The following TBL1XR1 variants were observed in gnomAD, a reference collection of about 807,000 sequenced individuals.
The protein encoded by TBL1XR1 is TBL1X/Y related 1, also known as F-box-like/WD repeat-containing protein TBL1XR1.
A neutral mutation model predicts 66.9 loss-of-function variants in TBL1XR1; 5 were observed. The ratio of observed to expected loss-of-function variants is 0.07; its 90% CI spans 0.04 to 0.16. TBL1XR1 has a LOEUF of 0.16. Among genes scored for constraint, TBL1XR1 ranks in the 10% least tolerant of loss-of-function variants. The pLI is 1.00. For synonymous variants in TBL1XR1, 210 were observed against 206.0 expected, an observed-to-expected ratio of 1.02 and a Z score of -0.17; for missense variants, 238 against 623.2, an observed-to-expected ratio of 0.38 and a Z score of 6.58.
rs553233123 is a variant in TBL1XR1 at position 177,099,141 on chromosome 3, C to T, written c.-121-600G>A. On this transcript the variant is annotated intron_variant, in intron 1 of 15. Transcript: ENST00000457928. ...CAGCACTTTGGGAGGCCGAAGCAGG[C>T]GGATCACCTGAGGTCAGGAATTCGA... 1.3e-3 allele frequency among the ~76,000 whole-genome samples: 194 copies of T among 152,150 alleles called. 1 individual carries two copies. In the South Asian group the frequency reaches 0.014, roughly 11 times the overall value.
intron 7 of TBL1XR1, 114 bp downstream of exon 7, chr3:177,049,883 C>T (rs1385698162): frequency 4.0e-6 from 3 of 742,822 alleles, no homozygotes; most frequent in Non-Finnish European, 1.8e-6. Flanking sequence ...TTTGTTGTTA[C>T]TAGTTAATAA....
rs143736240 is a variant in TBL1XR1 at position 177,077,280 on chromosome 3, T to C, written c.-45-12258A>G. 3.5e-4 allele frequency among the ~76,000 whole-genome samples: 54 copies of C among 152,312 alleles called. 1 individual carries two copies. The East Asian group carries it at 0.01, about 29-fold the overall frequency. ...TCTTATAATAATAGTTTTATTAGTA[T>C]TATTAACTTGAAACTTTTTATAAAT... On this transcript the variant is annotated intron_variant, in intron 2 of 15. Coordinates refer to ENST00000457928, the MANE Select transcript of TBL1XR1 (RefSeq NM_024665.7).
intron 1 of TBL1XR1, among the ~76,000 whole-genome samples, chr3:177,188,509 T>C (rs1735716083): frequency 1.3e-5 from 2 of 152,046 alleles, no homozygotes; most frequent in Admixed American, 1.3e-4. Flanking sequence ...ATTGCGCCAT[T>C]GCACTCCAGC....
chr3:177,081,581 C>A (rs1721394632), intron 2 of TBL1XR1, among the ~76,000 whole-genome samples: 2 of 152,088 alleles, frequency 1.3e-5, no homozygotes, highest in East Asian at 3.9e-4. Flanking sequence ...AAGACCTAAT[C>A]TCTACAAAGA....
chr3:177,059,406 G>A (rs1718221420), intron 3 of TBL1XR1, among the ~76,000 whole-genome samples: 3 of 152,142 alleles, frequency 2.0e-5, no homozygotes. Flanking sequence ...ACAGGTCAGA[G>A]CTTTAATGTT....
At chr3:177,154,522 G>A (rs1215788778) in intron 1 of TBL1XR1, among the ~76,000 whole-genome samples, 1 of 151,922 alleles carries the variant, frequency 6.6e-6, no homozygotes, top group South Asian at 2.1e-4. Flanking sequence ...TCAGCTTCCC[G>A]AGTAGCTGGG....
chr3:177,044,487 A>G (rs1468600083), intron 10 of TBL1XR1, among the ~76,000 whole-genome samples: 1 of 152,168 alleles, frequency 6.6e-6, no homozygotes, highest in Non-Finnish European at 1.5e-5. Context: ...CCAATCATAC[A>G]ATGTAATCTA....
chr3:177,026,116 T>C (rs1713088175), intron 15 of TBL1XR1: 3 of 476,104 alleles, frequency 6.3e-6, no homozygotes, highest in African/African-American at 6.2e-5. Flanking sequence ...GTATACCTAA[T>C]TTCATAAATG....
chr3:177,065,807 T>C (rs1167714647), intron 2 of TBL1XR1, among the ~76,000 whole-genome samples: 3 of 152,258 alleles, frequency 2.0e-5, no homozygotes, highest in South Asian at 4.1e-4. Context: ...TCAATTCTGC[T>C]GTGTGGTGCA....
At chr3:177,153,001 C>T (rs749929887) in intron 1 of TBL1XR1, among the ~76,000 whole-genome samples, 5 of 152,012 alleles carry the variant, frequency 3.3e-5, no homozygotes, top group Non-Finnish European at 7.4e-5. Flanking sequence ...ACTAGCTGGG[C>T]GTGGTGGCGT....
intron 2 of TBL1XR1, among the ~76,000 whole-genome samples, chr3:177,082,717 A>G (rs1721552333): frequency 8.6e-6 from 1 of 116,056 alleles, no homozygotes; most frequent in African/African-American, 3.2e-5. Flanking sequence ...ACAGACTATT[A>G]CTAAATTTCT....
chr3:177,163,162 C>G (rs900420584), intron 1 of TBL1XR1, among the ~76,000 whole-genome samples: 1 of 152,022 alleles, frequency 6.6e-6, no homozygotes, highest in Non-Finnish European at 1.5e-5. Flanking sequence ...ATGAAGGGAC[C>G]GGTTAAACTA....
chr3:177,149,863 A>T (rs62296588), intron 1 of TBL1XR1, among the ~76,000 whole-genome samples: 2,502 of 152,292 alleles, frequency 0.016, 40 homozygotes, highest in Admixed American at 0.049. Context: ...TACATGCCTA[A>T]AATATTTATT....
At chr3:177,115,407 A>G (rs1446370829) in intron 1 of TBL1XR1, among the ~76,000 whole-genome samples, 1 of 152,192 alleles carries the variant, frequency 6.6e-6, no homozygotes, top group Non-Finnish European at 1.5e-5. Flanking sequence ...GTTTACCAAA[A>G]AGTCTTGGAA....
rs2108890540 is a variant in TBL1XR1, at chr3:177,161,717, G to A, written c.-122+35404C>T. ...GAGGATCGCTTGAACCAGGGAGGTA[G>A]AGGTTGCAGTGAGCCAAGATCATGC... On this transcript the variant is annotated intron_variant, in intron 1 of 15. Coordinates refer to ENST00000457928, the MANE Select transcript of TBL1XR1 (RefSeq NM_024665.7). Among the ~76,000 whole-genome samples the A allele has an allele frequency of 1.3e-5, 2 of 151,486 alleles. 1 individual carries two copies. Among genetic ancestry groups the A allele is most frequent in the Middle Eastern group, 6.8e-3 (2 of 294 alleles).
intron 12 of TBL1XR1, among the ~76,000 whole-genome samples, chr3:177,035,155 G>C (rs56297506): frequency 6.6e-6 from 1 of 152,076 alleles, no homozygotes; most frequent in Non-Finnish European, 1.5e-5. Flanking sequence ...AAATCTGAAC[G>C]ACATGTTTTC....
Position 177,077,045 on chromosome 3 carries a change from A to C in TBL1XR1, c.-45-12023T>G, listed in dbSNP as rs192308001. On this transcript the variant is annotated intron_variant, in intron 2 of 15. Transcript: ENST00000457928. ...CAACAGCTTGGCTATCCAAATGAGC[A>C]GACAACTGGAAGAGAGCCACAGTCA... is the stretch of plus-strand genomic sequence containing the variant. 2.5e-3 allele frequency among the ~76,000 whole-genome samples: 388 copies of C among 152,360 alleles called. 1 individual carries two copies. The highest frequency in any genetic ancestry group is 9.0e-3 in the African/African-American group (374 of 41,576).
At chr3:177,111,709 C>T (rs1170210583) in intron 1 of TBL1XR1, among the ~76,000 whole-genome samples, 1 of 152,068 alleles carries the variant, frequency 6.6e-6, no homozygotes, top group East Asian at 1.9e-4. Context: ...GTGCAGTTCA[C>T]GTGTCAGGAA....
At chr3:177,089,233 A>C (rs927686000) in intron 2 of TBL1XR1, among the ~76,000 whole-genome samples, 1 of 152,186 alleles carries the variant, frequency 6.6e-6, no homozygotes, top group Non-Finnish European at 1.5e-5. Flanking sequence ...TCATCAATGC[A>C]GAAGAGGCCA....
Sources: allele counts gnomAD v4.1 joint callset (sites outside exome capture counted in the v4.1 genomes callset), GRCh38; gene constraint gnomAD v4.1.1; transcripts MANE v1.5; gene names NCBI Gene and HGNC (gene_info 2026-07-23, HGNC 2026-07-21).